The following LCORL variants were observed in gnomAD, a reference collection of about 807,000 sequenced individuals.
LCORL encodes ligand dependent nuclear receptor corepressor like.
In LCORL, 41 loss-of-function variants were observed where a neutral mutation model predicts 141.8. The observed-to-expected ratio is 0.29, with a 90% confidence interval of 0.23 to 0.38. The LOEUF (loss-of-function observed/expected upper bound fraction) is 0.38, where lower values mean the gene tolerates loss of function less well. Ranked by LOEUF, LCORL falls within the 10% of genes least tolerant of loss-of-function variation. LCORL has a pLI of 1.00. For synonymous variants in LCORL, 618 were observed against 694.1 expected (o/e 0.89, Z 1.72); for missense variants, 1,759 against 2,035.0 (o/e 0.86, Z 2.61).
chr4:17,931,181 TTCTC>T (rs1201304013), intron 4 of LCORL, among the ~76,000 whole-genome samples: 4 of 151,994 alleles, frequency 2.6e-5, no homozygotes, highest in South Asian at 2.1e-4. Context: ...TTTTAATACT[TTCTC>T]TCTATTACCC....
At chr4:17,890,654 C>A (rs189408432) in intron 5 of LCORL, among the ~76,000 whole-genome samples, 3 of 152,074 alleles carry the variant, frequency 2.0e-5, no homozygotes, top group Non-Finnish European at 1.5e-5. Context: ...TTATTTCTGA[C>A]CAAACGCTAT....
chr4:17,897,213 C>CCTTTTTTTTTTT lies in LCORL; in HGVS notation c.683-11053_683-11052insAAAAAAAAAAAG, dbSNP rs1553863446. On this transcript the variant is annotated intron_variant, in intron 5 of 7. Transcript: ENST00000635767. ...AGACTTCTCTTTGATATACTGATTTCTTTTTTTTTTTTTTTTTTTTTTTTT... is the reference window on the plus strand; with the variant it reads ...AGACTTCTCTTTGATATACTGATTTCCTTTTTTTTTTTTTTTTTTTTTTTTTTTTTTTTTTTT... Among the ~76,000 whole-genome samples the CCTTTTTTTTTTT allele has an allele frequency of 5.8e-3, 374 of 63,986 alleles. 177 individuals carry two copies. Among genetic ancestry groups the CCTTTTTTTTTTT allele is most frequent in the Middle Eastern group, 0.029 (2 of 68 alleles). The allele number at this position is 63,986 out of a possible 152,430, so 42.0% of individuals were successfully genotyped here.
At chr4:17,882,404 T>C (rs1384879302) in intron 6 of LCORL, 1 of 984,588 alleles carries the variant, frequency 1.0e-6, no homozygotes, top group Non-Finnish European at 1.2e-6. Flanking sequence ...ACCACTACAG[T>C]TGCATACTCC....
At chr4:17,930,745 T>C (rs1480023743) in intron 4 of LCORL, among the ~76,000 whole-genome samples, 2 of 152,214 alleles carry the variant, frequency 1.3e-5, no homozygotes, top group East Asian at 3.8e-4. Flanking sequence ...TATGTATGAT[T>C]AGTCCTTAGG....
At chr4:17,949,963 T>C (rs1349548601) in intron 4 of LCORL, among the ~76,000 whole-genome samples, 1 of 152,184 alleles carries the variant, frequency 6.6e-6, no homozygotes, top group Admixed American at 6.5e-5. Context: ...TAAACCACTA[T>C]GCACATTTTC....
At chr4:17,865,027 G>C (rs371433313) in intron 7 of LCORL, among the ~76,000 whole-genome samples, 1 of 152,092 alleles carries the variant, frequency 6.6e-6, no homozygotes, top group African/African-American at 2.4e-5. Flanking sequence ...GATCTGAAAG[G>C]ATAAAAAGGA....
rs543119519 is a variant in LCORL, at chr4:18,021,832, C to T, written c.-81G>A. 41 of 1,390,694 alleles carry T rather than the reference C, an allele frequency of 2.9e-5. 1 individual carries two copies. In the African/African-American group the frequency reaches 6.3e-4, roughly 21 times the overall value. 86.1% of individuals were successfully genotyped at this position (1,390,694 alleles called of 1,614,324 possible). On this transcript the variant is annotated 5_prime_UTR_variant, in exon 1 of 8. Coordinates refer to ENST00000635767, the Ensembl canonical transcript of LCORL. This position sits in a 1 kb window ranked among gnomAD's most constrained non-coding sequence, Gnocchi z 5.5. ...GGGGCGCGAGCCCTCGGCGCGAGCC[C>T]CGGAGCGCGCGCCCCCCGGAGGGGG... is the stretch of plus-strand genomic sequence containing the variant.
At chr4:17,928,423 C>T (rs186455059) in intron 4 of LCORL, among the ~76,000 whole-genome samples, 1 of 152,238 alleles carries the variant, frequency 6.6e-6, no homozygotes, top group East Asian at 1.9e-4. Flanking sequence ...AAAATAAAAA[C>T]AAAACAATCA....
chr4:17,931,894 TG>T (rs1736101159), intron 4 of LCORL, among the ~76,000 whole-genome samples: 1 of 152,186 alleles, frequency 6.6e-6, no homozygotes, highest in Admixed American at 6.5e-5. Flanking sequence ...CTAAAAGTGA[TG>T]GGTTAATTCT....
At chr4:17,876,884 T>C (rs1726979486) in exon 7 of LCORL, 1 of 1,230,822 alleles carries the variant, frequency 8.1e-7, no homozygotes. Context: ...GAAGAGGTAG[T>C]TGCAGTGACT....
chr4:17,882,859 T>A (rs1023843710), intron 6 of LCORL: 3 of 982,172 alleles, frequency 3.1e-6, no homozygotes, highest in East Asian at 2.3e-4. Flanking sequence ...ATTATAAACA[T>A]GCTCTAAGTT....
chr4:17,850,007 C>A (rs1355558591), intron 7 of LCORL, among the ~76,000 whole-genome samples: 1 of 151,182 alleles, frequency 6.6e-6, no homozygotes, highest in African/African-American at 2.4e-5. Flanking sequence ...CTTTGACAAA[C>A]CTGAGAAAAA....
intron 7 of LCORL, among the ~76,000 whole-genome samples, chr4:17,872,466 C>T (rs7671110): frequency 0.21 from 31,283 of 152,024 alleles, 3,677 homozygotes; most frequent in African/African-American, 0.32. Flanking sequence ...TCTCATAGCG[C>T]TTTAAGAAAG....
rs114433926 is a variant in LCORL, at chr4:17,893,782, C to T, written c.683-7621G>A. On this transcript the variant is annotated intron_variant, in intron 5 of 7. Transcript: ENST00000635767. Reference sequence around the variant, plus strand: ...GTTACATTTGATTCTTAGTGTGACACATTTGATTCTAAGGTTATTTATTTA... The same window carrying T: ...GTTACATTTGATTCTTAGTGTGACATATTTGATTCTAAGGTTATTTATTTA... Among the ~76,000 whole-genome samples the T allele has an allele frequency of 2.5e-3, 378 of 152,178 alleles. 2 individuals carry two copies. Among genetic ancestry groups the T allele is most frequent in the African/African-American group, 8.5e-3 (352 of 41,510 alleles).
intron 7 of LCORL, among the ~76,000 whole-genome samples, chr4:17,860,428 T>G (rs1489464057): frequency 2.0e-5 from 3 of 152,178 alleles, no homozygotes; most frequent in Non-Finnish European, 4.4e-5. Flanking sequence ...CATCAGATTT[T>G]GTGAGACTTA....
chr4:17,927,929 T>TAA (rs141948678), intron 4 of LCORL, among the ~76,000 whole-genome samples: 13 of 152,060 alleles, frequency 8.5e-5, no homozygotes, highest in African/African-American at 3.1e-4. Flanking sequence ...CTTCAATTTG[T>TAA]AAAAAAATGC....
exon 7 of LCORL, chr4:17,873,998 A>G: frequency 8.1e-7 from 1 of 1,233,836 alleles, no homozygotes; most frequent in Non-Finnish European, 1.0e-6. Context: ...CCCTGATCTC[A>G]GGTGGCAAAA....
At chr4:17,875,779 C>T (rs537533917) in exon 7 of LCORL, 1 of 1,231,122 alleles carries the variant, frequency 8.1e-7, no homozygotes, top group East Asian at 3.2e-5. Flanking sequence ...AAAGATGGAT[C>T]AGTAGCACTG....
At chr4:17,877,405 G>C in exon 7 of LCORL, 1 of 1,230,216 alleles carries the variant, frequency 8.1e-7, no homozygotes, top group Non-Finnish European at 1.0e-6. Flanking sequence ...ATTAAATCTT[G>C]AAAAATTACA....
Sources: gnomAD v4.1 joint callset for allele counts (sites outside exome capture counted in the v4.1 genomes callset) on GRCh38, gnomAD v4.1.1 for gene constraint, Gnocchi (gnomAD v3.1) non-coding constraint, MANE v1.5 for transcripts, NCBI Gene and HGNC (gene_info 2026-07-23, HGNC 2026-07-21) for gene names.